Variants in TMEM132D observed in about 807,000 individuals in gnomAD.
TMEM132D encodes the protein mature OL transmembrane protein.
Under a neutral mutation model 62.3 loss-of-function variants are expected in TMEM132D, and 21 were observed. That is an observed-to-expected ratio of 0.34 (90% confidence interval 0.24 to 0.49). The LOEUF (loss-of-function observed/expected upper bound fraction) is 0.49, where lower values mean the gene tolerates loss of function less well. TMEM132D is among the 20% of genes least tolerant of loss of function. TMEM132D has a pLI of 0.99. For synonymous variants in TMEM132D, 621 were observed against 575.6 expected (o/e 1.08, Z -1.13); for missense variants, 1,346 against 1,402.8 (o/e 0.96, Z 0.65).
chr12:129,172,916 C>A (rs2135547262), intron 5 of TMEM132D, among the ~76,000 whole-genome samples: 1 of 152,194 alleles, frequency 6.6e-6, no homozygotes, highest in Non-Finnish European at 1.5e-5. Flanking sequence ...AATAGGCAGG[C>A]CCGAGGAGAG....
intron 1 of TMEM132D, among the ~76,000 whole-genome samples, chr12:129,760,834 C>T (rs1325620195): frequency 6.6e-6 from 1 of 151,918 alleles, no homozygotes; most frequent in Non-Finnish European, 1.5e-5. Flanking sequence ...CCCAACAGGC[C>T]CCGTGTGTGA....
At chr12:129,864,600 A>T (rs764408802) in intron 1 of TMEM132D, among the ~76,000 whole-genome samples, 2 of 152,186 alleles carry the variant, frequency 1.3e-5, no homozygotes, top group African/African-American at 2.4e-5. Flanking sequence ...ACTGCCTGAG[A>T]AGGAAGCCAC....
intron 4 of TMEM132D, among the ~76,000 whole-genome samples, chr12:129,311,789 A>G (rs76910586): frequency 0.013 from 1,914 of 152,244 alleles, 44 homozygotes; most frequent in African/African-American, 0.043. Context: ...GCCACCACTG[A>G]TACAAACACC....
At chr12:129,385,904 C>T (rs1871094473) in intron 3 of TMEM132D, among the ~76,000 whole-genome samples, 4 of 152,132 alleles carry the variant, frequency 2.6e-5, no homozygotes, top group Non-Finnish European at 5.9e-5. Flanking sequence ...CACAGAGGCC[C>T]CAGAAAGATC....
chr12:129,903,406 G>C lies in TMEM132D; in HGVS notation c.-67C>G. ...TCCAGGCGAACAAGAGACCGTCTCA[G>C]TCCCCTAGAGGCCCGCAGCGGGGCC... On this transcript the variant is annotated 5_prime_UTR_variant, in exon 1 of 9. Coordinates refer to ENST00000422113, the MANE Select transcript of TMEM132D (RefSeq NM_133448.3). The surrounding 1 kb of genome is among the most constrained non-coding windows in gnomAD (Gnocchi z 6.2). The C allele has an allele frequency of 6.7e-7, 1 of 1,500,122 alleles. No individual in the cohort carries two copies. Among genetic ancestry groups the C allele is most frequent in the Non-Finnish European group, 9.1e-7 (1 of 1,102,018 alleles). 92.9% of individuals were successfully genotyped at this position (1,500,122 alleles called of 1,614,324 possible). A position where few individuals can be genotyped will look rare whatever the true frequency, so the allele number is the denominator to read the frequency against.
intron 3 of TMEM132D, among the ~76,000 whole-genome samples, chr12:129,386,074 T>C (rs748591754): frequency 8.5e-5 from 13 of 152,180 alleles, no homozygotes; most frequent in Non-Finnish European, 1.8e-4. Context: ...TGGCTCACAG[T>C]GGTAATGGCC....
chr12:129,723,264 C>G (rs1868910032), intron 1 of TMEM132D, among the ~76,000 whole-genome samples: 1 of 152,202 alleles, frequency 6.6e-6, no homozygotes, highest in African/African-American at 2.4e-5. Context: ...GATGGAGAAG[C>G]TCGGCATTTT....
At chr12:129,094,127 A>T (rs1386901147) in intron 5 of TMEM132D, among the ~76,000 whole-genome samples, 1 of 152,196 alleles carries the variant, frequency 6.6e-6, no homozygotes, top group East Asian at 1.9e-4. Context: ...ATGGGCAAGG[A>T]CTTCATGTCT....
At chr12:129,276,236 TTCG>T (rs1284267335) in intron 4 of TMEM132D, among the ~76,000 whole-genome samples, 2 of 152,214 alleles carry the variant, frequency 1.3e-5, no homozygotes, top group African/African-American at 4.8e-5. Context: ...GGAATTTCTC[TTCG>T]TATTATTACC....
chr12:129,495,711 T>C (rs1192477687), intron 3 of TMEM132D, among the ~76,000 whole-genome samples: 10 of 151,938 alleles, frequency 6.6e-5, no homozygotes, highest in African/African-American at 9.7e-5. Flanking sequence ...CCTAAGACAA[T>C]GGGGAGTGCC....
At chr12:129,137,880 C>A (rs1876631531) in intron 5 of TMEM132D, among the ~76,000 whole-genome samples, 1 of 145,734 alleles carries the variant, frequency 6.9e-6, no homozygotes, top group African/African-American at 2.5e-5. Context: ...TTGTCATGAG[C>A]AAATAAGAGG....
At chr12:129,436,105 C>T (rs1872779990) in intron 3 of TMEM132D, among the ~76,000 whole-genome samples, 1 of 152,114 alleles carries the variant, frequency 6.6e-6, no homozygotes, top group Admixed American at 6.5e-5. Context: ...GGAGCCACGG[C>T]AGCTATCTTG....
intron 1 of TMEM132D, among the ~76,000 whole-genome samples, chr12:129,871,728 C>T (rs1243053748): frequency 6.6e-6 from 1 of 152,168 alleles, no homozygotes; most frequent in Non-Finnish European, 1.5e-5. Flanking sequence ...TTGAAATTAG[C>T]CATGTGGGCG....
chr12:129,358,471 C>T (rs572821729), intron 3 of TMEM132D, among the ~76,000 whole-genome samples: 1 of 152,204 alleles, frequency 6.6e-6, no homozygotes, highest in South Asian at 2.1e-4. Context: ...TTGAAATTGG[C>T]CACGGTGGAG....
intron 1 of TMEM132D, among the ~76,000 whole-genome samples, chr12:129,898,773 C>T (rs1875233379): frequency 6.6e-6 from 1 of 152,236 alleles, no homozygotes; most frequent in Admixed American, 6.5e-5. Flanking sequence ...ACCATATCAA[C>T]CTGTGCTTTT....
chr12:129,791,658 C>G (rs141045851), intron 1 of TMEM132D, among the ~76,000 whole-genome samples: 28 of 152,116 alleles, frequency 1.8e-4, no homozygotes, highest in East Asian at 1.9e-4. Flanking sequence ...CTGAATTAAC[C>G]CCCCCAGTCA....
At chr12:129,191,851 T>C (rs946613354) in intron 5 of TMEM132D, among the ~76,000 whole-genome samples, 1 of 152,228 alleles carries the variant, frequency 6.6e-6, no homozygotes, top group Non-Finnish European at 1.5e-5. Context: ...AGGGACTTTT[T>C]TGTTACTGCT....
intron 3 of TMEM132D, among the ~76,000 whole-genome samples, chr12:129,361,609 C>A (rs1408183668): frequency 6.6e-6 from 1 of 152,120 alleles, no homozygotes; most frequent in Non-Finnish European, 1.5e-5. Context: ...ATTTGTAACC[C>A]AAATGTCCAT....
At chr12:129,900,377 G>A (rs186729301) in intron 1 of TMEM132D, among the ~76,000 whole-genome samples, 15 of 152,216 alleles carry the variant, frequency 9.9e-5, no homozygotes, top group African/African-American at 3.4e-4. Flanking sequence ...TCAGGAAGGC[G>A]CTCCAAGAAG....
Sources: gnomAD v4.1 joint callset for allele counts (sites outside exome capture counted in the v4.1 genomes callset) on GRCh38, gnomAD v4.1.1 for gene constraint, Gnocchi (gnomAD v3.1) non-coding constraint, MANE v1.5 for transcripts, NCBI Gene and HGNC (gene_info 2026-07-23, HGNC 2026-07-21) for gene names.